SLC1A1: variants seen among roughly 807,000 people sequenced by gnomAD.
The protein encoded by SLC1A1 is excitatory amino acid transporter 3.
Under a neutral mutation model 53.3 loss-of-function variants are expected in SLC1A1, and 43 were observed. The ratio of observed to expected loss-of-function variants is 0.81; its 90% CI spans 0.63 to 1.04. The LOEUF (loss-of-function observed/expected upper bound fraction) is 1.04. Among genes scored for constraint, SLC1A1 ranks in the 50% least tolerant of loss-of-function variants. SLC1A1 has a pLI of 0.00. For synonymous variants in SLC1A1, 307 were observed against 243.2 expected (o/e 1.26, Z -2.44); for missense variants, 748 against 664.9 (o/e 1.12, Z -1.37).
intron 1 of SLC1A1, among the ~76,000 whole-genome samples, chr9:4,525,952 T>G (rs1816242897): frequency 6.6e-6 from 1 of 152,160 alleles, no homozygotes; most frequent in Admixed American, 6.5e-5. Context: ...TACCATATAA[T>G]AATTCACAGG....
intron 1 of SLC1A1, among the ~76,000 whole-genome samples, chr9:4,532,480 G>T (rs1399207753): frequency 6.6e-6 from 1 of 152,136 alleles, no homozygotes; most frequent in Non-Finnish European, 1.5e-5. Context: ...AAGATGAAAT[G>T]AATGAAATGA....
intron 2 of SLC1A1, among the ~76,000 whole-genome samples, chr9:4,550,448 T>G (rs1817831184): frequency 6.6e-6 from 1 of 152,152 alleles, no homozygotes. Context: ...TGGAATGCAG[T>G]GGTACCAGTA....
At chr9:4,575,942 A>G in intron 8 of SLC1A1, 59 bp from the exon 9 acceptor site, 1 of 1,590,912 alleles carries the variant, frequency 6.3e-7, no homozygotes, top group Non-Finnish European at 8.6e-7. Flanking sequence ...TGATAAAAGG[A>G]TTAAGTGTGG....
At chr9:4,506,822 T>A (rs1278010459) in intron 1 of SLC1A1, among the ~76,000 whole-genome samples, 1 of 152,142 alleles carries the variant, frequency 6.6e-6, no homozygotes, top group Non-Finnish European at 1.5e-5. Context: ...AGCCAGTAAT[T>A]CTTTCTTAGA....
At chr9:4,496,329 C>T (rs1820419332) in intron 1 of SLC1A1, among the ~76,000 whole-genome samples, 1 of 151,998 alleles carries the variant, frequency 6.6e-6, no homozygotes, top group Non-Finnish European at 1.5e-5. Context: ...TTTGGAGGCA[C>T]TTAGGTGTGA....
chr9:4,572,444 A>G (rs545983567), intron 7 of SLC1A1, 56 bp downstream of exon 7: 4 of 1,461,082 alleles, frequency 2.7e-6, no homozygotes, highest in South Asian at 2.3e-5. Flanking sequence ...TGTCTCCTCA[A>G]AATTAGAAAG....
chr9:4,528,593 A>G (rs1380546062), intron 1 of SLC1A1, among the ~76,000 whole-genome samples: 2 of 152,124 alleles, frequency 1.3e-5, no homozygotes, highest in Non-Finnish European at 2.9e-5. Flanking sequence ...AAACAAACAA[A>G]AAAATGCAAG....
At chr9:4,516,473 C>T (rs1374602656) in intron 1 of SLC1A1, among the ~76,000 whole-genome samples, 1 of 152,134 alleles carries the variant, frequency 6.6e-6, no homozygotes, top group Admixed American at 6.5e-5. Context: ...AATAAACCAC[C>T]CTTATCATCT....
chr9:4,550,451 T>A (rs1817831624), intron 2 of SLC1A1, among the ~76,000 whole-genome samples: 2 of 152,148 alleles, frequency 1.3e-5, no homozygotes, highest in South Asian at 2.1e-4. Context: ...AATGCAGTGG[T>A]ACCAGTATAG....
intron 1 of SLC1A1, among the ~76,000 whole-genome samples, chr9:4,493,838 A>G (rs1204384695): frequency 6.6e-6 from 1 of 152,208 alleles, no homozygotes; most frequent in Non-Finnish European, 1.5e-5. Context: ...AGAGGCAAAG[A>G]TTTTTATGAG....
At chr9:4,502,111 G>C (rs1273830311) in intron 1 of SLC1A1, among the ~76,000 whole-genome samples, 1 of 151,538 alleles carries the variant, frequency 6.6e-6, no homozygotes, top group Non-Finnish European at 1.5e-5. Context: ...TATGGGCCAG[G>C]CACAGTGGCT....
At chr9:4,519,922 G>A (rs1253897778) in intron 1 of SLC1A1, among the ~76,000 whole-genome samples, 1 of 152,224 alleles carries the variant, frequency 6.6e-6, no homozygotes, top group Non-Finnish European at 1.5e-5. Flanking sequence ...ATTAATGACA[G>A]TTGATTTTTT....
chr9:4,501,764 C>A (rs576062745), intron 1 of SLC1A1, among the ~76,000 whole-genome samples: 1 of 150,852 alleles, frequency 6.6e-6, no homozygotes, highest in Non-Finnish European at 1.5e-5. Flanking sequence ...AACTCCATCT[C>A]CAAAACAAAA....
chr9:4,584,572 G>T (rs1821412759), intron 11 of SLC1A1, among the ~76,000 whole-genome samples: 1 of 152,146 alleles, frequency 6.6e-6, no homozygotes, highest in Non-Finnish European at 1.5e-5. Context: ...TTTCTGTTCT[G>T]CAGGTGTAGT....
chr9:4,505,041 A>ATT (rs1820752237), intron 1 of SLC1A1, among the ~76,000 whole-genome samples: 1 of 73,824 alleles, frequency 1.4e-5, no homozygotes, highest in African/African-American at 5.0e-5. Context: ...GTGTACATAT[A>ATT]TTTCTTTTTT....
At chr9:4,497,452 C>T (rs1027892728) in intron 1 of SLC1A1, among the ~76,000 whole-genome samples, 2 of 152,126 alleles carry the variant, frequency 1.3e-5, no homozygotes, top group African/African-American at 2.4e-5. Flanking sequence ...TTCTCTGTGC[C>T]CATAGTACCT....
intron 1 of SLC1A1, among the ~76,000 whole-genome samples, chr9:4,510,712 C>A (rs1820972762): frequency 6.6e-6 from 1 of 152,158 alleles, no homozygotes; most frequent in Non-Finnish European, 1.5e-5. Flanking sequence ...GTTTCTGATC[C>A]CTATTAGTTC....
intron 11 of SLC1A1, among the ~76,000 whole-genome samples, chr9:4,584,839 A>G (rs1380735822): frequency 6.6e-6 from 1 of 152,182 alleles, no homozygotes; most frequent in Non-Finnish European, 1.5e-5. Context: ...TGGTAAATAA[A>G]CAAGTACACC....
At chr9:4,562,795 T>C (rs1164921500) in intron 3 of SLC1A1, among the ~76,000 whole-genome samples, 1 of 152,084 alleles carries the variant, frequency 6.6e-6, no homozygotes, top group African/African-American at 2.4e-5. Flanking sequence ...ATGTGCCACA[T>C]TTTCTTAATC....
Sources: gnomAD v4.1 joint callset for allele counts (sites outside exome capture counted in the v4.1 genomes callset) on GRCh38, gnomAD v4.1.1 for gene constraint, MANE v1.5 for transcripts, NCBI Gene and HGNC (gene_info 2026-07-23, HGNC 2026-07-21) for gene names.